TYW1B: variants seen among roughly 807,000 people sequenced by gnomAD.
TYW1B encodes the protein tRNA-yW synthesizing protein 1 homolog B.
Under a neutral mutation model 86.9 loss-of-function variants are expected in TYW1B, and 73 were observed. The observed-to-expected ratio is 0.84, with a 90% confidence interval of 0.70 to 1.02. The LOEUF (loss-of-function observed/expected upper bound fraction) is 1.02. Among genes scored for constraint, TYW1B ranks in the 50% least tolerant of loss-of-function variants. The pLI, the probability that TYW1B is intolerant of heterozygous loss-of-function variation, is 0.00. For missense variants in TYW1B, 637 were observed against 827.4 expected (o/e 0.77, Z 2.82); for synonymous variants, 248 against 292.8 (o/e 0.85, Z 1.56).
At chr7:72,638,956 C>T (rs2129568982) in intron 11 of TYW1B, among the ~76,000 whole-genome samples, 1 of 152,308 alleles carries the variant, frequency 6.6e-6, no homozygotes, top group South Asian at 2.1e-4. Flanking sequence ...ACTCAATCAG[C>T]CAAATTTGGG....
intron 8 of TYW1B, among the ~76,000 whole-genome samples, chr7:72,739,279 T>TA (rs1245669610): frequency 3.3e-5 from 5 of 152,062 alleles, no homozygotes; most frequent in African/African-American, 7.2e-5. Flanking sequence ...CTGCTTACGT[T>TA]AAAAAAACTC....
intron 2 of TYW1B, among the ~76,000 whole-genome samples, chr7:72,818,326 A>G (rs1788763001): frequency 6.6e-6 from 1 of 152,022 alleles, no homozygotes; most frequent in Non-Finnish European, 1.5e-5. Flanking sequence ...TCATGCCTGT[A>G]ATCCCAGCAC....
intron 9 of TYW1B, chr7:72,722,979 C>T: frequency 1.4e-6 from 1 of 700,384 alleles, no homozygotes; most frequent in Non-Finnish European, 2.6e-6. Context: ...ATGCCCTGCA[C>T]TGGATACCTA....
At chr7:72,790,197 C>T (rs1471970725) in intron 6 of TYW1B, among the ~76,000 whole-genome samples, 13 of 151,786 alleles carry the variant, frequency 8.6e-5, no homozygotes, top group African/African-American at 2.9e-4. Context: ...CCACCTGCCT[C>T]GGCCTCCCAA....
intron 7 of TYW1B, among the ~76,000 whole-genome samples, chr7:72,765,275 T>C (rs565240736): frequency 3.9e-5 from 6 of 152,290 alleles, no homozygotes; most frequent in South Asian, 2.1e-4. Flanking sequence ...GTGTGATCAA[T>C]GTGGGAAGAA....
intron 12 of TYW1B, among the ~76,000 whole-genome samples, chr7:72,628,491 G>T (rs2844128): frequency 2.0e-5 from 3 of 152,152 alleles, no homozygotes; most frequent in Non-Finnish European, 4.4e-5. Context: ...TGAGTGATGG[G>T]TGGATGGGAG....
chr7:72,694,337 C>T (rs1183714676), intron 11 of TYW1B, among the ~76,000 whole-genome samples: 1 of 152,102 alleles, frequency 6.6e-6, no homozygotes, highest in Non-Finnish European at 1.5e-5. Context: ...ACCAATCTTC[C>T]ATAGATTCCG....
rs12537850 is a variant in TYW1B, at chr7:72,800,272, A to T, written c.846+2128T>A. Among the ~76,000 whole-genome samples the T allele has an allele frequency of 2.9e-3, 431 of 150,876 alleles. 2 individuals are homozygous for T. The highest frequency in any genetic ancestry group is 0.01 in the Middle Eastern group (3 of 294). On this transcript the variant is annotated intron_variant, in intron 6 of 13. Coordinates refer to ENST00000620995, the MANE Select transcript of TYW1B (RefSeq NM_001145440.3). Reference sequence around the variant, plus strand: ...GGGTGCCGTGACATGATCACAGCTCACTGCAGCCTCAAACTCCCAGGTCCA... The same window carrying T: ...GGGTGCCGTGACATGATCACAGCTCTCTGCAGCCTCAAACTCCCAGGTCCA...
intron 6 of TYW1B, among the ~76,000 whole-genome samples, chr7:72,792,172 T>C (rs781868067): frequency 4.1e-4 from 62 of 150,928 alleles, no homozygotes; most frequent in Middle Eastern, 3.2e-3. Context: ...CTACAAAAAA[T>C]ACAAACTAGT....
chr7:72,749,914 T>G (rs1554464719), intron 7 of TYW1B, among the ~76,000 whole-genome samples: 3 of 146,338 alleles, frequency 2.1e-5, no homozygotes, highest in African/African-American at 7.5e-5. Flanking sequence ...TTTTTTTTGT[T>G]TTTTTTTTTT....
intron 6 of TYW1B, among the ~76,000 whole-genome samples, chr7:72,782,855 C>A (rs558089562): frequency 6.6e-6 from 1 of 152,170 alleles, no homozygotes; most frequent in East Asian, 1.9e-4. Context: ...CCAGCCTGGG[C>A]AACAGACTCT....
At chr7:72,766,559 A>G (rs1374506620) in intron 7 of TYW1B, among the ~76,000 whole-genome samples, 3 of 139,642 alleles carry the variant, frequency 2.1e-5, no homozygotes, top group African/African-American at 8.0e-5. Flanking sequence ...GGTTGCCGTG[A>G]GCCAAGATCA....
chr7:72,632,499 T>A (rs1220849609), intron 11 of TYW1B, among the ~76,000 whole-genome samples: 4 of 129,320 alleles, frequency 3.1e-5, no homozygotes, highest in Non-Finnish European at 6.3e-5. Context: ...CATATATACA[T>A]ATATATTATA....
At chr7:72,607,942 A>T (rs1811843851) in intron 13 of TYW1B, among the ~76,000 whole-genome samples, 1 of 152,210 alleles carries the variant, frequency 6.6e-6, no homozygotes, top group African/African-American at 2.4e-5. Context: ...GAATATTTTT[A>T]AAAATCTTGA....
intron 2 of TYW1B, 40 bp downstream of exon 2, chr7:72,826,815 G>A (rs782274491): frequency 1.5e-5 from 24 of 1,591,594 alleles, no homozygotes; most frequent in Non-Finnish European, 2.0e-5. Flanking sequence ...TATAAAATCT[G>A]ATGCCTAAAT....
intron 11 of TYW1B, among the ~76,000 whole-genome samples, chr7:72,692,673 G>A (rs559473843): frequency 6.6e-6 from 1 of 152,164 alleles, no homozygotes; most frequent in East Asian, 1.9e-4. Flanking sequence ...CTTAGGAAGG[G>A]AAAAAGGGGC....
intron 12 of TYW1B, among the ~76,000 whole-genome samples, chr7:72,623,335 T>A (rs1417838869): frequency 1.3e-5 from 2 of 152,110 alleles, no homozygotes; most frequent in African/African-American, 4.8e-5. Context: ...TAGGGCCAAT[T>A]TGTATTATTG....
chr7:72,797,199 A>G (rs1343301025), intron 6 of TYW1B, among the ~76,000 whole-genome samples: 2 of 152,192 alleles, frequency 1.3e-5, no homozygotes, highest in Non-Finnish European at 2.9e-5. Flanking sequence ...AAAGCTGATC[A>G]CCAGAAAGAA....
Position 72,781,670 on chromosome 7 carries a change from T to G in TYW1B, c.847-4137A>C, listed in dbSNP as rs528536846. Among the ~76,000 whole-genome samples, 58 of 152,326 alleles carry G rather than the reference T, an allele frequency of 3.8e-4. 2 individuals carry two copies. The South Asian group carries it at 0.012, about 32-fold the overall frequency. On this transcript the variant is annotated intron_variant, in intron 6 of 13. Coordinates refer to ENST00000620995, the MANE Select transcript of TYW1B (RefSeq NM_001145440.3). Reference sequence around the variant, plus strand: ...TCCACCTACAATGCCACCGTTCTTGTCCACGGTCTTGCTTTCTCCTAAGGG... The same window carrying G: ...TCCACCTACAATGCCACCGTTCTTGGCCACGGTCTTGCTTTCTCCTAAGGG...
Sources: allele counts gnomAD v4.1 joint callset (sites outside exome capture counted in the v4.1 genomes callset), GRCh38; gene constraint gnomAD v4.1.1; transcripts MANE v1.5; gene names NCBI Gene and HGNC (gene_info 2026-07-23, HGNC 2026-07-21).